DPF2: variants seen among roughly 807,000 people sequenced by gnomAD.
DPF2 encodes the protein double PHD fingers 2.
Under a neutral mutation model 59.6 loss-of-function variants are expected in DPF2, and 10 were observed. The ratio of observed to expected loss-of-function variants is 0.17; its 90% CI spans 0.10 to 0.28. DPF2 has a LOEUF of 0.28. Among genes scored for constraint, DPF2 ranks in the 10% least tolerant of loss-of-function variants. The pLI, the probability that DPF2 is intolerant of heterozygous loss-of-function variation, is 1.00. For missense variants in DPF2, 315 were observed against 509.4 expected (o/e 0.62, Z 3.67); for synonymous variants, 189 against 190.6 (o/e 0.99, Z 0.07).
Position 65,345,459 on chromosome 11 carries a change from A to G in DPF2, c.638-207A>G, listed in dbSNP as rs1190877406. Reference sequence around the variant, plus strand: ...CCATGGGGTTGGAGTTCAGGAGGGAAAAGAGCCCCAGAAGCTAGAGAGCCC... The same window carrying G: ...CCATGGGGTTGGAGTTCAGGAGGGAGAAGAGCCCCAGAAGCTAGAGAGCCC... On this transcript the variant is annotated intron_variant, in intron 6 of 10. Transcript: ENST00000528416. The G allele has an allele frequency of 7.9e-6, 5 of 635,228 alleles. No homozygotes were observed. The East Asian group carries it at 8.7e-5, about 11-fold the overall frequency. 39.3% of individuals were successfully genotyped at this position (635,228 alleles called of 1,614,324 possible). A position where few individuals can be genotyped will look rare whatever the true frequency, so the allele number is the denominator to read the frequency against.
intron 10 of DPF2, among the ~76,000 whole-genome samples, chr11:65,350,081 ATGTTT>A (rs753332286): frequency 1.8e-4 from 28 of 152,156 alleles, no homozygotes; most frequent in South Asian, 8.3e-4. Flanking sequence ...TCGCATGTTT[ATGTTT>A]TGTTTTGTTT....
intron 6 of DPF2, chr11:65,344,697 C>T (rs776214008): frequency 1.7e-5 from 25 of 1,456,660 alleles, no homozygotes; most frequent in Non-Finnish European, 2.2e-5. Flanking sequence ...CTGCCTTTCT[C>T]ATTTCCTGGG....
chr11:65,336,325 C>T (rs1590928421), intron 1 of DPF2, among the ~76,000 whole-genome samples: 1 of 149,680 alleles, frequency 6.7e-6, no homozygotes, highest in Non-Finnish European at 1.5e-5. Flanking sequence ...AACCTCATCT[C>T]TACTAAAACT....
intron 6 of DPF2, chr11:65,344,704 TG>T: frequency 7.0e-7 from 1 of 1,429,254 alleles, no homozygotes; most frequent in South Asian, 1.2e-5. Flanking sequence ...TCTCATTTCC[TG>T]GGATGCTAGC....
At chr11:65,351,094 T>C (rs914551871) in intron 10 of DPF2, among the ~76,000 whole-genome samples, 1 of 152,146 alleles carries the variant, frequency 6.6e-6, no homozygotes, top group African/African-American at 2.4e-5. Flanking sequence ...GCCAACCGTA[T>C]TGACCTTTGG....
At chr11:65,344,638 T>C (rs756244396) in intron 6 of DPF2, 1 of 1,535,708 alleles carries the variant, frequency 6.5e-7, no homozygotes, top group South Asian at 1.2e-5. Flanking sequence ...CTCTCAACTT[T>C]TCAGACTTGT....
intron 6 of DPF2, chr11:65,345,048 A>G (rs543994166): frequency 2.1e-5 from 4 of 191,898 alleles, no homozygotes; most frequent in Non-Finnish European, 3.2e-5. Context: ...AAAATGCCTC[A>G]TGGGGATCTG....
In DPF2 at chr11:65,340,977, G is replaced by A. The variant is rs757826187; in HGVS notation, c.205G>A (p.Gly69Arg). The change falls in exon 3 of 11, where the codon GGA (glycine) becomes AGA (arginine). Residue 69 changes from glycine (G) to arginine (R), a missense_variant. Around this residue, in one of 4 missense-constraint regions of DPF2, gnomAD observed 228 missense variants for 275.3 expected, o/e 0.83. Coordinates refer to ENST00000528416, the MANE Select transcript of DPF2 (RefSeq NM_006268.5). ...KRHRGPGLAS[G>R]QLYSYPARRW... ...TCTTCCTGCCACAGGATTGGCCTCC[G>A]GACAGCTGTACTCCTACCCTGCCCG... 14 of 1,614,030 alleles carry A rather than the reference G, an allele frequency of 8.7e-6. 1 individual carries two copies. The highest frequency in any genetic ancestry group is 5.0e-5 in the Admixed American group (3 of 60,014).
At chr11:65,341,669 G>A (rs1467745052) in intron 4 of DPF2, 107 bp downstream of exon 4, 2 of 1,455,104 alleles carry the variant, frequency 1.4e-6, no homozygotes, top group Admixed American at 4.2e-5. Context: ...AGTCCAGGAA[G>A]CAGGCCCCTG....
rs1017963350 is a variant in DPF2 at position 65,335,876 on chromosome 11, C to T, written c.32+1958C>T. 5.3e-5 allele frequency among the ~76,000 whole-genome samples: 8 copies of T among 152,138 alleles called. No homozygotes were observed. In the East Asian group the frequency reaches 7.7e-4, roughly 15 times the overall value. On this transcript the variant is annotated intron_variant, in intron 1 of 10. Transcript: ENST00000528416. ...CGGCCCGGGCTGGAATGCAGTGGCA[C>T]GATCTTGGCTCACTGCAACCTCCGC...
chr11:65,337,527 A>AGAGAGAGAGAGAGAGAGAGG (rs1854227629), intron 1 of DPF2, among the ~76,000 whole-genome samples: 1 of 137,092 alleles, frequency 7.3e-6, no homozygotes, highest in African/African-American at 2.7e-5. Flanking sequence ...AGAGAGAGAG[A>AGAGAGAGAGAGAGAGAGAGG]GAGAGAGAGA....
In DPF2 at chr11:65,346,620, A is replaced by C. The variant is rs1565539364; in HGVS notation, c.1017+261A>C. 1.2e-5 allele frequency: 5 copies of C among 406,864 alleles called. No homozygotes were observed. In the East Asian group the frequency reaches 2.1e-4, roughly 17 times the overall value. The allele number at this position is 406,864 out of a possible 1,614,324, so 25.2% of individuals were successfully genotyped here. The stretch of plus-strand genomic sequence containing the variant: ...CCTGCCTCATGAGATTTACATTCTT[A>C]CAGGAACAACAATAAGCAAGGATGT... On this transcript the variant is annotated intron_variant, in intron 9 of 10. Coordinates refer to ENST00000528416, the MANE Select transcript of DPF2 (RefSeq NM_006268.5).
intron 1 of DPF2, among the ~76,000 whole-genome samples, chr11:65,338,020 C>G (rs1351571978): frequency 6.6e-6 from 1 of 151,490 alleles, no homozygotes; most frequent in Non-Finnish European, 1.5e-5. Flanking sequence ...AGGCTGGTCT[C>G]GAACTCCTGA....
At position 65,333,902 on chromosome 11, in the gene DPF2, G is replaced by A. The variant is rs1950061637; in HGVS notation, c.16G>A (p.Glu6Lys). The stretch of plus-strand genomic sequence containing the variant: ...AACAGGGAAGATGGCGGCTGTGGTG[G>A]AGAATGTAGTGAAGCTGTGAGTGGT... MAAVVENVVKLLGEQY... is the reference protein window; with the variant it reads MAAVVKNVVKLLGEQY... The change falls in exon 1 of 11, where the codon GAG (glutamate) becomes AAG (lysine). Residue 6 changes from glutamate to lysine, a missense_variant. Glu to Lys is a moderately conservative substitution (Grantham distance 56, BLOSUM62 1). Around this residue, in one of 4 missense-constraint regions of DPF2, gnomAD observed 228 missense variants for 275.3 expected, o/e 0.83. Transcript: ENST00000528416. 6.2e-7 allele frequency: 1 copy of A among 1,614,048 alleles called. No individual in the cohort carries two copies. The highest frequency in any genetic ancestry group is 8.5e-7 in the Non-Finnish European group (1 of 1,179,960).
Position 65,353,591 on chromosome 11 carries a change from CAT to C in DPF2, c.*1833_*1834del, listed in dbSNP as rs1854786226. Among the ~76,000 whole-genome samples, 1 of 152,196 alleles carries C rather than the reference CAT, an allele frequency of 6.6e-6. No individual in the cohort carries two copies. The highest frequency in any genetic ancestry group is 2.4e-5 in the African/African-American group (1 of 41,448). On this transcript the variant is annotated 3_prime_UTR_variant, in exon 11 of 11. Coordinates refer to ENST00000528416, the MANE Select transcript of DPF2 (RefSeq NM_006268.5). ...ACAGTTTCCCTGAAGGCAAAGTGAA[CAT>C]GTGGAGAGCTTACGTGGCAGCGCGT... is the stretch of plus-strand genomic sequence containing the variant.
intron 1 of DPF2, among the ~76,000 whole-genome samples, chr11:65,334,599 G>A (rs1258563501): frequency 6.6e-6 from 1 of 152,182 alleles, no homozygotes; most frequent in Non-Finnish European, 1.5e-5. Flanking sequence ...CATCTAGGTG[G>A]GCATTCTTCC....
intron 2 of DPF2, 89 bp downstream of exon 2, chr11:65,340,634 T>G (rs1417681699): frequency 3.3e-6 from 5 of 1,531,794 alleles, no homozygotes; most frequent in Admixed American, 1.9e-5. Flanking sequence ...TTGATAGGGT[T>G]TTCCCTACTG....
intron 6 of DPF2, chr11:65,344,544 G>A (rs1854473311): frequency 6.5e-7 from 1 of 1,534,298 alleles, no homozygotes; most frequent in Non-Finnish European, 8.7e-7. Flanking sequence ...AGTGTATCAA[G>A]GCCTTCTTCT....
At position 65,333,935 on chromosome 11, in the gene DPF2, T is replaced by C. The variant is rs750934031; in HGVS notation, c.32+17T>C. On this transcript the variant is annotated intron_variant, in intron 1 of 10. Coordinates refer to ENST00000528416, the MANE Select transcript of DPF2 (RefSeq NM_006268.5). ...AGTGAAGCTGTGAGTGGTCGTTTCT[T>C]TCTCTCCTAGGGCGGCAGGTTTTGT... 2 of 1,613,694 alleles carry C rather than the reference T, an allele frequency of 1.2e-6. No individual in the cohort carries two copies. The highest frequency in any genetic ancestry group is 2.2e-5 in the South Asian group (2 of 91,026).
Sources: gnomAD v4.1 joint callset for allele counts (sites outside exome capture counted in the v4.1 genomes callset) on GRCh38, gnomAD v4.1.1 for gene constraint, gnomAD v4.1.1 regional missense constraint, MANE v1.5 for transcripts, NCBI Gene and HGNC (gene_info 2026-07-23, HGNC 2026-07-21) for gene names.